The following LEPR variants were observed in gnomAD, a reference collection of about 807,000 sequenced individuals.
LEPR encodes OB receptor.
In LEPR, 56 loss-of-function variants were observed where a neutral mutation model predicts 114.7. The ratio of observed to expected loss-of-function variants is 0.49; its 90% confidence interval spans 0.39 to 0.61. LEPR has a LOEUF of 0.61. Ranked by LOEUF, LEPR falls within the 20% of genes least tolerant of loss-of-function variation. The pLI is 0.00. For synonymous variants in LEPR, 443 were observed against 461.4 expected (o/e 0.96, Z 0.51); for missense variants, 1,202 against 1,352.9 (o/e 0.89, Z 1.75).
At chr1:65,575,871 A>T (rs1159763292) in intron 5 of LEPR, among the ~76,000 whole-genome samples, 1 of 151,450 alleles carries the variant, frequency 6.6e-6, no homozygotes, top group Non-Finnish European at 1.5e-5. Flanking sequence ...AGAAGCTCAG[A>T]AATGACCTCA....
At chr1:65,553,542 C>G (rs1465501213) in intron 2 of LEPR, among the ~76,000 whole-genome samples, 1 of 152,022 alleles carries the variant, frequency 6.6e-6, no homozygotes, top group African/African-American at 2.4e-5. Flanking sequence ...ACAAAGTTCT[C>G]ATGCTGTGTT....
Position 65,451,529 on chromosome 1 carries a change from T to C in LEPR, c.-21+26151T>C, listed in dbSNP as rs1011861066. Among the ~76,000 whole-genome samples, 454 of 152,256 alleles carry C rather than the reference T, an allele frequency of 3.0e-3. 5 individuals are homozygous for C. The highest frequency in any genetic ancestry group is 0.01 in the African/African-American group (432 of 41,554). On this transcript the variant is annotated intron_variant, in intron 2 of 19. Transcript: ENST00000349533. ...AGTTTTCCCAGTACCATTTATTAAA[T>C]AGGGAATCCTTTCCCCATTGCTTGT...
At chr1:65,542,624 C>T (rs1651317141) in intron 2 of LEPR, among the ~76,000 whole-genome samples, 1 of 151,772 alleles carries the variant, frequency 6.6e-6, no homozygotes, top group African/African-American at 2.4e-5. Flanking sequence ...GCCAGCCACC[C>T]CCCGACAGGC....
intron 2 of LEPR, among the ~76,000 whole-genome samples, chr1:65,553,546 C>G (rs1397649280): frequency 6.6e-6 from 1 of 151,984 alleles, no homozygotes; most frequent in Non-Finnish European, 1.5e-5. Context: ...AGTTCTCATG[C>G]TGTGTTTTTC....
At position 65,546,289 on chromosome 1, in the gene LEPR, G is replaced by A. The variant is rs577736120; in HGVS notation, c.-20-19257G>A. ...TGGCTTAGGATTGACTTGGCGATGC[G>A]GGCTCTTTTTTGGTTCCATGTGAAC... On this transcript the variant is annotated intron_variant, in intron 2 of 19. Coordinates refer to ENST00000349533, the MANE Select transcript of LEPR (RefSeq NM_002303.6). Among the ~76,000 whole-genome samples the A allele has an allele frequency of 4.2e-3, 633 of 152,200 alleles. 4 individuals carry two copies. Among genetic ancestry groups the A allele is most frequent in the African/African-American group, 0.015 (603 of 41,518 alleles).
intron 2 of LEPR, among the ~76,000 whole-genome samples, chr1:65,488,194 TTCTTTCTTTCTTTCTTTC>T (rs1294901007): frequency 2.2e-4 from 5 of 22,974 alleles, no homozygotes; most frequent in African/African-American, 5.8e-4. Context: ...CTTTCTTTCT[TTCTTTCTTTCTTTCTTTC>T]TCTCTCTCTC....
At chr1:65,578,790 A>G (rs1347361611) in intron 5 of LEPR, among the ~76,000 whole-genome samples, 4 of 151,834 alleles carry the variant, frequency 2.6e-5, no homozygotes, top group Non-Finnish European at 5.9e-5. Flanking sequence ...AATATATAGA[A>G]ACACACACAC....
intron 2 of LEPR, among the ~76,000 whole-genome samples, chr1:65,468,052 T>C (rs569623861): frequency 6.6e-6 from 1 of 152,298 alleles, no homozygotes; most frequent in East Asian, 1.9e-4. Flanking sequence ...GCACCCACTG[T>C]CCAACCAGTC....
At chr1:65,518,994 C>CTTT (rs1649476505) in intron 2 of LEPR, among the ~76,000 whole-genome samples, 1 of 69,336 alleles carries the variant, frequency 1.4e-5, no homozygotes, top group Non-Finnish European at 4.1e-5. Flanking sequence ...TTCCTTCCTT[C>CTTT]CTTCTTTCTT....
intron 2 of LEPR, among the ~76,000 whole-genome samples, chr1:65,454,739 G>T (rs1251811520): frequency 6.6e-6 from 1 of 151,962 alleles, no homozygotes; most frequent in African/African-American, 2.4e-5. Context: ...TTCAACTTTG[G>T]TGAATCTGAC....
chr1:65,485,518 A>C (rs180772917), intron 2 of LEPR, among the ~76,000 whole-genome samples: 177 of 152,270 alleles, frequency 1.2e-3, no homozygotes, highest in African/African-American at 3.5e-3. Flanking sequence ...CATAGAGAGC[A>C]TCACCATCAC....
At chr1:65,482,711 G>A (rs1382424929) in intron 2 of LEPR, among the ~76,000 whole-genome samples, 2 of 152,128 alleles carry the variant, frequency 1.3e-5, no homozygotes, top group Non-Finnish European at 2.9e-5. Context: ...TGTGAGGCTG[G>A]GTGCGATGGC....
chr1:65,636,760 G>T lies in LEPR; in HGVS notation c.3243G>T (p.Gly1081=). 4 of 1,613,872 alleles carry T rather than the reference G, an allele frequency of 2.5e-6. No individual in the cohort carries two copies. In the East Asian group the frequency reaches 8.9e-5, roughly 36 times the overall value. ...NNDKKSIYYL[G]VTSIKKRESG... ...ATAAAAAGTCTATCTATTATTTAGG[G>T]GTCACCTCAATCAAAAAGAGAGAGA... is the stretch of plus-strand genomic sequence containing the variant. The change falls in exon 20 of 20, where the codon GGG becomes GGT. Residue 1081 remains glycine (G), a synonymous_variant. Transcript: ENST00000349533.
chr1:65,551,719 G>C (rs1652380327), intron 2 of LEPR, among the ~76,000 whole-genome samples: 1 of 152,044 alleles, frequency 6.6e-6, no homozygotes, highest in South Asian at 2.1e-4. Context: ...GTTCTGCCCT[G>C]ATCTTAGTTA....
chr1:65,615,104 T>C (rs4655557), intron 14 of LEPR, among the ~76,000 whole-genome samples: 70,220 of 151,894 alleles, frequency 0.46, 17,122 homozygotes, highest in East Asian at 0.87. Context: ...AATCTTACTT[T>C]CAACCTATCC....
At chr1:65,578,979 G>A (rs1188695947) in intron 5 of LEPR, among the ~76,000 whole-genome samples, 1 of 152,154 alleles carries the variant, frequency 6.6e-6, no homozygotes, top group Non-Finnish European at 1.5e-5. Flanking sequence ...GACATTGAAT[G>A]TCCCTGTGGT....
At chr1:65,423,693 A>G (rs1298586907) in intron 1 of LEPR, among the ~76,000 whole-genome samples, 1 of 152,248 alleles carries the variant, frequency 6.6e-6, no homozygotes, top group Non-Finnish European at 1.5e-5. Context: ...TTTTTTAAAA[A>G]GCACTTTGGC....
chr1:65,476,443 T>C (rs1230455881), intron 2 of LEPR, among the ~76,000 whole-genome samples: 1 of 152,134 alleles, frequency 6.6e-6, no homozygotes, highest in Non-Finnish European at 1.5e-5. Context: ...CTCCCGGAGC[T>C]TGTGGTCCAA....
chr1:65,550,632 A>G (rs1319993788), intron 2 of LEPR, among the ~76,000 whole-genome samples: 1 of 152,158 alleles, frequency 6.6e-6, no homozygotes, highest in East Asian at 1.9e-4. Flanking sequence ...AGTGCGGGCT[A>G]TAATTCTCCT....
Sources: allele counts gnomAD v4.1 joint callset (sites outside exome capture counted in the v4.1 genomes callset), GRCh38; gene constraint gnomAD v4.1.1; transcripts MANE v1.5; gene names NCBI Gene and HGNC (gene_info 2026-07-23, HGNC 2026-07-21).